SPON2: variants seen among roughly 807,000 people sequenced by gnomAD.
The protein encoded by SPON2 is spondin 2.
In SPON2, 32 loss-of-function variants were observed where a neutral mutation model predicts 29.9. The ratio of observed to expected loss-of-function variants is 1.07; its 90% CI spans 0.81 to 1.44. The LOEUF is 1.44. Ranked by LOEUF, SPON2 falls within the 40% of genes most tolerant of loss-of-function variation. The pLI is 0.00. For synonymous variants in SPON2, 248 were observed against 209.1 expected (o/e 1.19, Z -1.61); for missense variants, 541 against 455.5 (o/e 1.19, Z -1.71).
In SPON2 at chr4:1,202,073, A is replaced by T. The variant is rs1228112384; in HGVS notation, c.-234+5807T>A. Among the ~76,000 whole-genome samples the T allele has an allele frequency of 6.6e-6, 1 of 152,198 alleles. No homozygotes were observed. On this transcript the variant is annotated intron_variant, in intron 1 of 3. Coordinates refer to the SPON2 transcript ENST00000509233. This position sits in a 1 kb window ranked among gnomAD's most constrained non-coding sequence, Gnocchi z 5.4. ...TCCGGAACACGTTCATCATCCGCAGAAGACGTCCTGTGCCTGTTAGCAACC... is the reference window on the plus strand; with the variant it reads ...TCCGGAACACGTTCATCATCCGCAGTAGACGTCCTGTGCCTGTTAGCAACC...
chr4:1,196,566 C>T (rs1473597240), upstream of SPON2, among the ~76,000 whole-genome samples: 14 of 152,212 alleles, frequency 9.2e-5, no homozygotes, highest in Admixed American at 9.2e-4. Context: ...AGGGTTGCTG[C>T]CTGCCTGCCA....
At chr4:1,185,365 C>T (rs1198910223) in intron 1 of SPON2, among the ~76,000 whole-genome samples, 1 of 151,790 alleles carries the variant, frequency 6.6e-6, no homozygotes, top group Non-Finnish European at 1.5e-5. Context: ...CATAATCCAC[C>T]ATGCCCGGCC....
chr4:1,184,177 C>A (rs1727750481), intron 1 of SPON2, among the ~76,000 whole-genome samples: 1 of 152,128 alleles, frequency 6.6e-6, no homozygotes. Flanking sequence ...CCATGTTGCC[C>A]AGGCTGGTTT....
chr4:1,189,302 C>G (rs551635402), intron 1 of SPON2, among the ~76,000 whole-genome samples: 62 of 151,732 alleles, frequency 4.1e-4, no homozygotes, highest in Non-Finnish European at 1.0e-4. Context: ...TCAAAGCAAG[C>G]AGAAGGAAAT....
chr4:1,179,319 G>A (rs1409118911), intron 2 of SPON2: 2 of 152,190 alleles, frequency 1.3e-5, no homozygotes, highest in African/African-American at 2.4e-5. Flanking sequence ...CACTGCTGGC[G>A]AGCCACAGAT....
chr4:1,195,425 C>T (rs144904523), upstream of SPON2, among the ~76,000 whole-genome samples: 120 of 152,194 alleles, frequency 7.9e-4, no homozygotes, highest in Middle Eastern at 3.4e-3. Context: ...CCTCACAGGC[C>T]GGCCAGCTTC....
At chr4:1,207,529 C>T (rs1015446048) in intron 1 of SPON2, among the ~76,000 whole-genome samples, 1 of 151,588 alleles carries the variant, frequency 6.6e-6, no homozygotes, top group Non-Finnish European at 1.5e-5. Context: ...CCATGTGCCG[C>T]GCTTACACAT....
At chr4:1,186,894 GT>G (rs1347548020) in intron 1 of SPON2, among the ~76,000 whole-genome samples, 3 of 152,194 alleles carry the variant, frequency 2.0e-5, no homozygotes, top group African/African-American at 7.2e-5. Flanking sequence ...TGGCAAGGAT[GT>G]GGAGAATCTG....
chr4:1,192,707 G>A (rs955745008), intron 1 of SPON2, among the ~76,000 whole-genome samples: 17 of 152,154 alleles, frequency 1.1e-4, no homozygotes, highest in Admixed American at 2.0e-4. Flanking sequence ...GGAAGGCTTG[G>A]GGGGTACGGC....
At chr4:1,181,825 A>G (rs995086899) in intron 1 of SPON2, among the ~76,000 whole-genome samples, 7 of 152,238 alleles carry the variant, frequency 4.6e-5, no homozygotes, top group Non-Finnish European at 8.8e-5. Flanking sequence ...TCTGATCACA[A>G]GAGTGCAAAG....
At chr4:1,177,470 T>C (rs1436576964), upstream of SPON2, among the ~76,000 whole-genome samples, 2 of 152,280 alleles carry the variant, frequency 1.3e-5, no homozygotes, top group African/African-American at 4.8e-5. Flanking sequence ...CTGCTTAAAT[T>C]GGATCTGAGC....
intron 4 of SPON2, 184 bp downstream of exon 4, chr4:1,170,815 G>T: frequency 9.9e-7 from 1 of 1,006,792 alleles, no homozygotes; most frequent in Non-Finnish European, 1.5e-6. Context: ...CTGTGACCCC[G>T]GGTTGGGAGA....
chr4:1,183,573 C>T (rs553037362), intron 1 of SPON2, among the ~76,000 whole-genome samples: 1 of 152,266 alleles, frequency 6.6e-6, no homozygotes, highest in South Asian at 2.1e-4. Context: ...GTTTGTAACT[C>T]CACGTTTTGT....
At chr4:1,171,511 C>A (rs772542527) in intron 2 of SPON2, 25 bp from the exon 3 acceptor site, 11 of 1,601,756 alleles carry the variant, frequency 6.9e-6, no homozygotes, top group Non-Finnish European at 8.5e-6. Context: ...GGCCGCGCCG[C>A]GGACCATGGT....
chr4:1,196,053 C>T (rs575496493), upstream of SPON2, among the ~76,000 whole-genome samples: 3 of 152,280 alleles, frequency 2.0e-5, no homozygotes, highest in Non-Finnish European at 4.4e-5. Flanking sequence ...CAAGGAGGCT[C>T]ACACAGGCCA....
intron 5 of SPON2, among the ~76,000 whole-genome samples, chr4:1,169,352 G>A (rs145190512): frequency 6.6e-6 from 1 of 152,244 alleles, no homozygotes; most frequent in Non-Finnish European, 1.5e-5. Context: ...ACAAATGAGT[G>A]AGGAGCCCAA....
At chr4:1,182,500 G>A (rs867895838) in intron 1 of SPON2, among the ~76,000 whole-genome samples, 1 of 152,138 alleles carries the variant, frequency 6.6e-6, no homozygotes, top group African/African-American at 2.4e-5. Flanking sequence ...GCAGAAGAAA[G>A]AATCAGAGAA....
In SPON2 at chr4:1,185,473, T is replaced by C. The variant is rs1467203667; in HGVS notation, c.-238-5932A>G. Among the ~76,000 whole-genome samples the C allele has an allele frequency of 2.4e-4, 37 of 151,328 alleles. 2 individuals are homozygous for C. In the East Asian group the frequency reaches 7.3e-3, roughly 30 times the overall value. On this transcript the variant is annotated intron_variant, in intron 1 of 3. Coordinates refer to the SPON2 transcript ENST00000502483. ...CTGTGATCCCAGCACTTTGGGAGGC[T>C]GAGGCGAGCGGATCACCTGAGGTCG...
upstream of SPON2, among the ~76,000 whole-genome samples, chr4:1,197,506 G>C (rs987134842): frequency 1.3e-5 from 2 of 152,126 alleles, no homozygotes; most frequent in Non-Finnish European, 2.9e-5. Context: ...CGAGGACTCA[G>C]CTAATGCAGC....
Sources: allele counts gnomAD v4.1 joint callset (sites outside exome capture counted in the v4.1 genomes callset), GRCh38; gene constraint gnomAD v4.1.1; non-coding constraint Gnocchi (gnomAD v3.1); transcripts MANE v1.5; gene names NCBI Gene and HGNC (gene_info 2026-07-23, HGNC 2026-07-21).